The following PLPP3 variants were observed in gnomAD, a reference collection of about 807,000 sequenced individuals.
PLPP3 encodes phospholipid phosphatase 3.
Under a neutral mutation model 29.6 loss-of-function variants are expected in PLPP3, and 6 were observed. The observed-to-expected ratio is 0.20, with a 90% CI of 0.11 to 0.40. The LOEUF is 0.40. Among genes scored for constraint, PLPP3 ranks in the 10% least tolerant of loss-of-function variants. The probability of loss-of-function intolerance (pLI) is 1.00; values close to 1 mark genes in which losing one functional copy is unlikely to be tolerated. For missense variants in PLPP3, 308 were observed against 407.7 expected (o/e 0.76, Z 2.11); for synonymous variants, 152 against 159.7 (o/e 0.95, Z 0.36).
At chr1:56,505,786 A>G (rs907369880) in intron 5 of PLPP3, among the ~76,000 whole-genome samples, 2 of 152,190 alleles carry the variant, frequency 1.3e-5, no homozygotes, top group African/African-American at 4.8e-5. Context: ...GGCTGTTAGT[A>G]GTTTTAAGTT....
intron 5 of PLPP3, among the ~76,000 whole-genome samples, chr1:56,505,387 G>A (rs772626099): frequency 2.6e-5 from 4 of 152,136 alleles, no homozygotes; most frequent in African/African-American, 4.8e-5. Context: ...CCTCTGCTTC[G>A]TCAGCTCATC....
At chr1:56,518,699 A>G (rs1316000687) in intron 4 of PLPP3, among the ~76,000 whole-genome samples, 1 of 142,528 alleles carries the variant, frequency 7.0e-6, no homozygotes, top group Non-Finnish European at 1.5e-5. Flanking sequence ...GGGAATTTAC[A>G]GCCTTTTTTA....
chr1:56,532,723 CCA>C (rs1449646336), intron 2 of PLPP3, among the ~76,000 whole-genome samples: 1 of 152,076 alleles, frequency 6.6e-6, no homozygotes, highest in Non-Finnish European at 1.5e-5. Context: ...TTTTCTGCCC[CCA>C]GTTTATGGCC....
At chr1:56,529,786 G>A (rs1645875598) in intron 2 of PLPP3, among the ~76,000 whole-genome samples, 1 of 152,120 alleles carries the variant, frequency 6.6e-6, no homozygotes, top group Admixed American at 6.6e-5. Flanking sequence ...TCACTGTCTG[G>A]GAAAGGTAAT....
intron 1 of PLPP3, among the ~76,000 whole-genome samples, chr1:56,575,515 C>G (rs541688150): frequency 2.0e-4 from 30 of 152,274 alleles, no homozygotes; most frequent in African/African-American, 7.0e-4. Flanking sequence ...CTGGGACCAA[C>G]TTTATTTTTC....
intron 1 of PLPP3, among the ~76,000 whole-genome samples, chr1:56,556,952 G>GAGAT (rs1646080701): frequency 1.6e-4 from 9 of 55,422 alleles, no homozygotes; most frequent in African/African-American, 7.0e-4. Flanking sequence ...GAGAGACAGA[G>GAGAT]AGAAAGAAAG....
chr1:56,561,118 A>G (rs12064903), intron 1 of PLPP3, among the ~76,000 whole-genome samples: 13 of 151,200 alleles, frequency 8.6e-5, no homozygotes, highest in African/African-American at 2.9e-4. Flanking sequence ...AAGTGCTGGG[A>G]TTACAGGCGT....
chr1:56,565,872 C>T (rs1290765660), intron 1 of PLPP3, among the ~76,000 whole-genome samples: 2 of 152,222 alleles, frequency 1.3e-5, no homozygotes, highest in African/African-American at 4.8e-5. Flanking sequence ...CCCTCTATGA[C>T]ACATCTAGAA....
intron 1 of PLPP3, among the ~76,000 whole-genome samples, chr1:56,567,141 G>T (rs1046496454): frequency 5.3e-5 from 8 of 152,138 alleles, no homozygotes; most frequent in African/African-American, 1.9e-4. Flanking sequence ...CTGCTTTGTG[G>T]AAGTGCTACT....
chr1:56,540,937 A>C (rs1178148589), intron 1 of PLPP3, among the ~76,000 whole-genome samples: 1 of 152,166 alleles, frequency 6.6e-6, no homozygotes, highest in Non-Finnish European at 1.5e-5. Flanking sequence ...ATTACCAATT[A>C]CTATAGTCCC....
chr1:56,515,453 C>T (rs1159000148), intron 4 of PLPP3, among the ~76,000 whole-genome samples: 1 of 152,166 alleles, frequency 6.6e-6, no homozygotes, highest in East Asian at 1.9e-4. Context: ...CCACATCTCC[C>T]CTTCCCCTGA....
At chr1:56,528,920 A>G (rs763203680) in intron 2 of PLPP3, among the ~76,000 whole-genome samples, 4 of 151,078 alleles carry the variant, frequency 2.6e-5, no homozygotes, top group Non-Finnish European at 5.9e-5. Flanking sequence ...GTTTTGTGTT[A>G]TTTTTAACAT....
At chr1:56,527,996 T>A (rs904413523) in intron 2 of PLPP3, among the ~76,000 whole-genome samples, 4 of 152,028 alleles carry the variant, frequency 2.6e-5, no homozygotes, top group Non-Finnish European at 4.4e-5. Flanking sequence ...CTGTCCCCAC[T>A]CCCAGACTCC....
intron 1 of PLPP3, among the ~76,000 whole-genome samples, chr1:56,560,306 C>T (rs1457450485): frequency 6.6e-6 from 1 of 152,170 alleles, no homozygotes; most frequent in African/African-American, 2.4e-5. Flanking sequence ...TGTTCAGGTG[C>T]TTTCAATTAT....
intron 1 of PLPP3, among the ~76,000 whole-genome samples, chr1:56,557,683 T>G (rs1275495337): frequency 6.6e-6 from 1 of 152,190 alleles, no homozygotes; most frequent in African/African-American, 2.4e-5. Flanking sequence ...ATTTCCCTTT[T>G]CTGCTCAAAG....
At position 56,496,604 on chromosome 1, in the gene PLPP3, T is replaced by G. The variant is rs1404033545; in HGVS notation, c.883A>C (p.Ile295Leu). The G allele has an allele frequency of 6.2e-7, 1 of 1,613,932 alleles. No individual in the cohort carries two copies. Among genetic ancestry groups the G allele is most frequent in the Non-Finnish European group, 8.5e-7 (1 of 1,179,964 alleles). ...TCAATAATGTCCACAGGTGAAAGGA[T>G]TTCCTTCCGGATAGCAGGGGCAGGC... ...SLPAPAIRKE[I>L]LSPVDIIDRN... Residue 295 changes from isoleucine (I) to leucine (L), a missense_variant, in exon 6 of 6, where the codon ATC (isoleucine) becomes CTC (leucine). By Grantham distance (5) the Ile-to-Leu change is conservative (BLOSUM62 2). Coordinates refer to ENST00000371250, the MANE Select transcript of PLPP3 (RefSeq NM_003713.5).
intron 1 of PLPP3, 111 bp from the exon 2 acceptor site, chr1:56,537,223 A>T: frequency 6.0e-6 from 7 of 1,173,364 alleles, no homozygotes; most frequent in Admixed American, 2.4e-5. Context: ...AATATCACTG[A>T]GAGTGATAAT....
intron 2 of PLPP3, among the ~76,000 whole-genome samples, chr1:56,530,865 C>T (rs1645883228): frequency 6.6e-6 from 1 of 152,180 alleles, no homozygotes; most frequent in Admixed American, 6.5e-5. Flanking sequence ...TCCCTGAAAA[C>T]ACTTCATTGT....
chr1:56,522,512 A>C (rs1321786485), intron 4 of PLPP3, among the ~76,000 whole-genome samples: 1 of 151,380 alleles, frequency 6.6e-6, no homozygotes, highest in African/African-American at 2.4e-5. Flanking sequence ...AGAGCAAAAC[A>C]AAAAAAAAGA....
Sources: gnomAD v4.1 joint callset for allele counts (sites outside exome capture counted in the v4.1 genomes callset) on GRCh38, gnomAD v4.1.1 for gene constraint, MANE v1.5 for transcripts, NCBI Gene and HGNC (gene_info 2026-07-23, HGNC 2026-07-21) for gene names.